The following FGF10 variants were observed in gnomAD, a reference collection of about 807,000 sequenced individuals.
The protein encoded by FGF10 is fibroblast growth factor 10.
In FGF10, 2 loss-of-function variants were observed where a neutral mutation model predicts 19.8. That is an observed-to-expected ratio of 0.10 (90% CI 0.04 to 0.32). FGF10 has a LOEUF of 0.32. Ranked by LOEUF, FGF10 falls within the 10% of genes least tolerant of loss-of-function variation. The pLI is 1.00. For synonymous variants in FGF10, 112 were observed against 94.0 expected (o/e 1.19, Z -1.10); for missense variants, 191 against 246.3 (o/e 0.78, Z 1.50).
intron 1 of FGF10, among the ~76,000 whole-genome samples, chr5:44,372,185 C>T (rs902533062): frequency 1.3e-5 from 2 of 152,134 alleles, no homozygotes; most frequent in African/African-American, 2.4e-5. Flanking sequence ...CTCCAGGGGA[C>T]AGCGTCCATT....
At chr5:44,377,995 T>A (rs1201043991) in intron 1 of FGF10, among the ~76,000 whole-genome samples, 1 of 152,208 alleles carries the variant, frequency 6.6e-6, no homozygotes, top group Admixed American at 6.5e-5. Context: ...ATGCTACTGA[T>A]AAGCAATCAT....
intron 1 of FGF10, among the ~76,000 whole-genome samples, chr5:44,383,634 T>G (rs993627677): frequency 2.6e-5 from 4 of 152,096 alleles, no homozygotes; most frequent in African/African-American, 9.6e-5. Context: ...TGTGCATTTT[T>G]AATAGATTTA....
chr5:44,314,312 T>C (rs1740284284), intron 1 of FGF10, among the ~76,000 whole-genome samples: 1 of 152,102 alleles, frequency 6.6e-6, no homozygotes, highest in African/African-American at 2.4e-5. Flanking sequence ...TTTTGGCAAC[T>C]AGGAAGGATT....
At chr5:44,369,997 T>C (rs1165528488) in intron 1 of FGF10, among the ~76,000 whole-genome samples, 2 of 152,134 alleles carry the variant, frequency 1.3e-5, no homozygotes, top group African/African-American at 4.8e-5. Flanking sequence ...AAGTTCAGAT[T>C]TCTATGTGTG....
intron 1 of FGF10, among the ~76,000 whole-genome samples, chr5:44,381,161 G>A (rs1394070616): frequency 6.6e-6 from 1 of 152,134 alleles, no homozygotes; most frequent in African/African-American, 2.4e-5. Flanking sequence ...CACTCTGAAG[G>A]GGGCTTATCA....
chr5:44,310,893 T>A (rs2111689733), intron 1 of FGF10, among the ~76,000 whole-genome samples: 1 of 152,264 alleles, frequency 6.6e-6, no homozygotes, highest in Non-Finnish European at 1.5e-5. Context: ...CAAAATAACT[T>A]ATCAGAGCCC....
chr5:44,332,498 G>A (rs1301052144), intron 1 of FGF10, among the ~76,000 whole-genome samples: 1 of 152,160 alleles, frequency 6.6e-6, no homozygotes, highest in Non-Finnish European at 1.5e-5. Context: ...GCAACTGAGA[G>A]TGGTTCTTAA....
intron 1 of FGF10, among the ~76,000 whole-genome samples, chr5:44,326,615 C>T (rs1224055686): frequency 1.3e-5 from 2 of 151,424 alleles, no homozygotes; most frequent in Admixed American, 1.3e-4. Flanking sequence ...CACTATGTTG[C>T]CTAAGCTGTT....
chr5:44,349,217 C>T (rs530417243), intron 1 of FGF10, among the ~76,000 whole-genome samples: 4 of 150,390 alleles, frequency 2.7e-5, no homozygotes, highest in Admixed American at 2.0e-4. Flanking sequence ...AATCTTTTGC[C>T]TCATTCTGTT....
At chr5:44,329,548 G>T (rs767506006) in intron 1 of FGF10, among the ~76,000 whole-genome samples, 2 of 151,824 alleles carry the variant, frequency 1.3e-5, no homozygotes, top group African/African-American at 4.8e-5. Flanking sequence ...TCTTAACTTG[G>T]CATCACTATC....
In FGF10 at chr5:44,301,726, A is replaced by G. The variant is rs1283956295; in HGVS notation, c.*3269T>C. 6.6e-6 allele frequency among the ~76,000 whole-genome samples: 1 copy of G among 151,780 alleles called. No homozygotes were observed. On this transcript the variant is annotated 3_prime_UTR_variant, in exon 3 of 3. Coordinates refer to ENST00000264664, the MANE Select transcript of FGF10 (RefSeq NM_004465.2). ...GAGAAAACTTACAAATGTTTGAGTAATTTTTTTTTCTGTTGTTGTTGTTTG... is the reference window on the plus strand; with the variant it reads ...GAGAAAACTTACAAATGTTTGAGTAGTTTTTTTTTCTGTTGTTGTTGTTTG...
chr5:44,372,233 C>T (rs147403739), intron 1 of FGF10, among the ~76,000 whole-genome samples: 1 of 152,114 alleles, frequency 6.6e-6, no homozygotes, highest in Non-Finnish European at 1.5e-5. Flanking sequence ...CATTCCTTGG[C>T]CACATTCCTT....
At chr5:44,363,346 G>C (rs1741534491) in intron 1 of FGF10, among the ~76,000 whole-genome samples, 1 of 151,708 alleles carries the variant, frequency 6.6e-6, no homozygotes, top group Non-Finnish European at 1.5e-5. Flanking sequence ...TTAGATAAAT[G>C]GAAGAAATGA....
intron 1 of FGF10, among the ~76,000 whole-genome samples, chr5:44,373,765 A>C (rs181367327): frequency 6.6e-6 from 1 of 152,092 alleles, no homozygotes. Context: ...CCTCCTCCTA[A>C]ATCCTCACCT....
At chr5:44,329,766 G>C (rs867465961) in intron 1 of FGF10, among the ~76,000 whole-genome samples, 1 of 152,124 alleles carries the variant, frequency 6.6e-6, no homozygotes, top group African/African-American at 2.4e-5. Context: ...ATCTTGTCAA[G>C]CTAAAGCTCC....
chr5:44,373,980 C>A (rs1189612740), intron 1 of FGF10, among the ~76,000 whole-genome samples: 1 of 152,150 alleles, frequency 6.6e-6, no homozygotes, highest in Non-Finnish European at 1.5e-5. Flanking sequence ...CAAATTACCA[C>A]AAAGTTGGTG....
intron 1 of FGF10, among the ~76,000 whole-genome samples, chr5:44,349,578 T>G (rs1188468733): frequency 6.8e-6 from 1 of 146,814 alleles, no homozygotes; most frequent in African/African-American, 2.5e-5. Context: ...TTGAAATCAC[T>G]AAGTTAGATA....
intron 1 of FGF10, among the ~76,000 whole-genome samples, chr5:44,352,552 A>G (rs1341300053): frequency 6.6e-6 from 1 of 151,630 alleles, no homozygotes; most frequent in East Asian, 2.0e-4. Flanking sequence ...CTATGAAAGT[A>G]TCTTAAAACC....
intron 1 of FGF10, among the ~76,000 whole-genome samples, chr5:44,363,359 T>G (rs1192480226): frequency 3.3e-5 from 5 of 151,852 alleles, no homozygotes; most frequent in Non-Finnish European, 7.4e-5. Flanking sequence ...AGAAATGAAA[T>G]GGGAATTTTA....
Sources: gnomAD v4.1 joint callset for allele counts (sites outside exome capture counted in the v4.1 genomes callset) on GRCh38, gnomAD v4.1.1 for gene constraint, MANE v1.5 for transcripts, NCBI Gene and HGNC (gene_info 2026-07-23, HGNC 2026-07-21) for gene names.